Variants in MAP7 observed in about 807,000 individuals in gnomAD.
MAP7 encodes the protein ensconsin.
A neutral mutation model predicts 94.8 loss-of-function variants in MAP7; 52 were observed. The observed-to-expected ratio is 0.55, with a 90% confidence interval of 0.44 to 0.69. MAP7 has a LOEUF of 0.69. Among genes scored for constraint, MAP7 ranks in the 30% least tolerant of loss-of-function variants. The probability of loss-of-function intolerance (pLI) is 0.00; values close to 1 mark genes in which losing one functional copy is unlikely to be tolerated. For missense variants in MAP7, 940 were observed against 964.6 expected (o/e 0.97, Z 0.34); for synonymous variants, 350 against 357.0 (o/e 0.98, Z 0.22).
intron 1 of MAP7, among the ~76,000 whole-genome samples, chr6:136,516,396 G>T (rs1361915226): frequency 1.2e-4 from 18 of 152,112 alleles, no homozygotes; most frequent in Admixed American, 1.2e-3. Flanking sequence ...GGGCTCAAAT[G>T]ATCCTCCCAC....
At chr6:136,472,779 G>A (rs1022332345) in intron 1 of MAP7, among the ~76,000 whole-genome samples, 4 of 151,842 alleles carry the variant, frequency 2.6e-5, no homozygotes, top group Non-Finnish European at 5.9e-5. Flanking sequence ...TTACCACTTT[G>A]CTTCCAGCTT....
intron 2 of MAP7, among the ~76,000 whole-genome samples, chr6:136,418,138 C>G (rs953397071): frequency 6.6e-6 from 1 of 152,160 alleles, no homozygotes; most frequent in Non-Finnish European, 1.5e-5. Flanking sequence ...GAGCAATGGT[C>G]GTTCCAGGAT....
intron 1 of MAP7, among the ~76,000 whole-genome samples, chr6:136,424,874 T>C (rs1792667573): frequency 1.3e-5 from 2 of 152,236 alleles, no homozygotes; most frequent in South Asian, 2.1e-4. Context: ...ACAAGGATAA[T>C]GTATTTCAGT....
intron 1 of MAP7, among the ~76,000 whole-genome samples, chr6:136,497,620 G>A (rs1818658336): frequency 6.6e-6 from 1 of 151,406 alleles, no homozygotes; most frequent in Non-Finnish European, 1.5e-5. Context: ...CCAACATGGT[G>A]AAACCCTGTC....
intron 1 of MAP7, among the ~76,000 whole-genome samples, chr6:136,483,416 T>G (rs1451179342): frequency 6.6e-6 from 1 of 152,050 alleles, no homozygotes; most frequent in Non-Finnish European, 1.5e-5. Flanking sequence ...GTACCATGCT[T>G]TATTACCTGG....
At chr6:136,376,666 C>A (rs1776254424) in intron 7 of MAP7, among the ~76,000 whole-genome samples, 1 of 152,182 alleles carries the variant, frequency 6.6e-6, no homozygotes, top group African/African-American at 2.4e-5. Flanking sequence ...CATTTATGAT[C>A]CTGTCTGCCC....
At position 136,388,525 on chromosome 6, in the gene MAP7, A is replaced by G. The variant is rs1779801558; in HGVS notation, c.409-15T>C. On this transcript the variant is annotated splice_polypyrimidine_tract_variant and intron_variant, in intron 4 of 17. Coordinates refer to ENST00000354570, the MANE Select transcript of MAP7 (RefSeq NM_003980.6). ...TCGTGGCGTTCCTTAGATGGAATAG[A>G]AGAGCTGAGGATTAGATTCCAGCTG... The G allele has an allele frequency of 1.2e-6, 2 of 1,602,496 alleles. No homozygotes were observed. The highest frequency in any genetic ancestry group is 4.5e-5 in the East Asian group (2 of 44,804).
intron 15 of MAP7, 34 bp from the exon 16 acceptor site, chr6:136,356,828 A>T (rs745671784): frequency 1.3e-6 from 2 of 1,544,202 alleles, no homozygotes; most frequent in South Asian, 1.1e-5. Context: ...ACACAGGGTT[A>T]CTAATATTCT....
At chr6:136,456,767 GGAA>G (rs1554259489) in intron 1 of MAP7, among the ~76,000 whole-genome samples, 62 of 60,586 alleles carry the variant, frequency 1.0e-3, no homozygotes, top group Middle Eastern at 8.3e-3. Context: ...AGGAGGAGGA[GGAA>G]GAAGAAGAAG....
chr6:136,508,514 C>T (rs1822265019), intron 1 of MAP7, among the ~76,000 whole-genome samples: 1 of 152,170 alleles, frequency 6.6e-6, no homozygotes, highest in South Asian at 2.1e-4. Flanking sequence ...TGAATTTGGA[C>T]ACCAATACTT....
intron 1 of MAP7, among the ~76,000 whole-genome samples, chr6:136,502,389 T>C (rs568768083): frequency 3.0e-4 from 46 of 152,352 alleles, no homozygotes; most frequent in Admixed American, 2.7e-3. Flanking sequence ...CGTAATAAAA[T>C]ACTAAAGGCT....
At chr6:136,465,423 AT>A (rs1806679223) in intron 1 of MAP7, among the ~76,000 whole-genome samples, 1 of 152,214 alleles carries the variant, frequency 6.6e-6, no homozygotes, top group African/African-American at 2.4e-5. Context: ...GTGCTTATGC[AT>A]CAACTATGTC....
chr6:136,355,620 T>C (rs1388599146), intron 16 of MAP7, among the ~76,000 whole-genome samples: 1 of 152,212 alleles, frequency 6.6e-6, no homozygotes, highest in African/African-American at 2.4e-5. Context: ...TCTGTGTGTC[T>C]GTACTTATCC....
rs191223448 is a variant in MAP7, at chr6:136,495,245, C to T, written c.67+55097G>A. Among the ~76,000 whole-genome samples the T allele has an allele frequency of 5.3e-5, 8 of 152,188 alleles. No homozygotes were observed. The East Asian group carries it at 5.8e-4, about 11-fold the overall frequency. Reference sequence around the variant, plus strand: ...TTTAAGTCCATTATCTAACTTACTCCGAAAACTTTCCTAAATGGTGTTAAA... The same window carrying T: ...TTTAAGTCCATTATCTAACTTACTCTGAAAACTTTCCTAAATGGTGTTAAA... On this transcript the variant is annotated intron_variant, in intron 1 of 17. Coordinates refer to ENST00000354570, the MANE Select transcript of MAP7 (RefSeq NM_003980.6).
intron 1 of MAP7, among the ~76,000 whole-genome samples, chr6:136,546,265 A>G (rs1273883147): frequency 1.3e-5 from 2 of 151,488 alleles, no homozygotes; most frequent in Admixed American, 1.3e-4. Context: ...TGCCTGCTTC[A>G]GCCTCCCAAA....
At chr6:136,347,614 C>A (rs80103724) in intron 16 of MAP7, among the ~76,000 whole-genome samples, 1 of 152,008 alleles carries the variant, frequency 6.6e-6, no homozygotes, top group East Asian at 1.9e-4. Context: ...TCGTGTTGGC[C>A]AGGATGGTCT....
At chr6:136,482,640 G>A (rs1032719217) in intron 1 of MAP7, among the ~76,000 whole-genome samples, 1 of 151,482 alleles carries the variant, frequency 6.6e-6, no homozygotes, top group Non-Finnish European at 1.5e-5. Flanking sequence ...GTTCATCACA[G>A]CACTATTCAT....
At chr6:136,355,418 A>G (rs1256028227) in intron 16 of MAP7, among the ~76,000 whole-genome samples, 1 of 152,146 alleles carries the variant, frequency 6.6e-6, no homozygotes. Context: ...TTGGAAATGA[A>G]TTATTAAGAT....
At chr6:136,544,204 G>A (rs888225337) in intron 1 of MAP7, among the ~76,000 whole-genome samples, 20 of 152,210 alleles carry the variant, frequency 1.3e-4, no homozygotes, top group African/African-American at 4.6e-4. Flanking sequence ...TTACAGGCAT[G>A]AGCCACCGCA....
Sources: gnomAD v4.1 joint callset for allele counts (sites outside exome capture counted in the v4.1 genomes callset) on GRCh38, gnomAD v4.1.1 for gene constraint, MANE v1.5 for transcripts, NCBI Gene and HGNC (gene_info 2026-07-23, HGNC 2026-07-21) for gene names.